Variants in NLGN1 observed in about 807,000 individuals in gnomAD.
The protein encoded by NLGN1 is neuroligin-1.
A neutral mutation model predicts 65.5 loss-of-function variants in NLGN1; 12 were observed. That is an observed-to-expected ratio of 0.18 (90% CI 0.12 to 0.30). The LOEUF (loss-of-function observed/expected upper bound fraction) is 0.30. Ranked by LOEUF, NLGN1 falls within the 10% of genes least tolerant of loss-of-function variation. NLGN1 has a pLI of 1.00. For synonymous variants in NLGN1, 350 were observed against 359.5 expected (o/e 0.97, Z 0.30); for missense variants, 750 against 1,007.1 (o/e 0.74, Z 3.46).
chr3:173,691,108 G>C (rs533207907), intron 3 of NLGN1, among the ~76,000 whole-genome samples: 1 of 152,094 alleles, frequency 6.6e-6, no homozygotes, highest in Non-Finnish European at 1.5e-5. Flanking sequence ...GGAATGATTG[G>C]TAGTCATTGT....
intron 4 of NLGN1, among the ~76,000 whole-genome samples, chr3:174,120,577 T>C (rs1397100656): frequency 6.6e-6 from 1 of 152,210 alleles, no homozygotes; most frequent in Non-Finnish European, 1.5e-5. Flanking sequence ...AATTCATTTA[T>C]TAATTTGACT....
At chr3:173,499,711 T>C (rs1730689024) in intron 2 of NLGN1, among the ~76,000 whole-genome samples, 2 of 151,956 alleles carry the variant, frequency 1.3e-5, no homozygotes, top group South Asian at 4.1e-4. Context: ...TCCATTTGTT[T>C]GTATCCTCTT....
At chr3:173,734,413 T>TTTTTTTTTTTAA (rs1491511719) in intron 3 of NLGN1, among the ~76,000 whole-genome samples, 1 of 78,266 alleles carries the variant, frequency 1.3e-5, no homozygotes, top group African/African-American at 5.0e-5. Flanking sequence ...TTTTTTTTTT[T>TTTTTTTTTTTAA]AGAAACAGGG....
At chr3:173,574,007 G>A (rs923846444) in intron 2 of NLGN1, among the ~76,000 whole-genome samples, 5 of 141,664 alleles carry the variant, frequency 3.5e-5, no homozygotes, top group Non-Finnish European at 7.5e-5. Context: ...AGCTTGCAGT[G>A]AGCCGAGATG....
intron 4 of NLGN1, among the ~76,000 whole-genome samples, chr3:173,911,473 A>G (rs76804915): frequency 6.6e-6 from 1 of 152,180 alleles, no homozygotes; most frequent in African/African-American, 2.4e-5. Context: ...CTCTCCTTCA[A>G]TATATGTAAA....
intron 4 of NLGN1, among the ~76,000 whole-genome samples, chr3:173,818,856 G>C (rs1042382437): frequency 2.7e-5 from 3 of 110,756 alleles, no homozygotes; most frequent in African/African-American, 1.0e-4. Context: ...ATGAGGGCTT[G>C]GATTTTGCTT....
chr3:173,627,825 A>T (rs774992553), intron 3 of NLGN1, among the ~76,000 whole-genome samples: 5 of 151,256 alleles, frequency 3.3e-5, no homozygotes, highest in Non-Finnish European at 7.4e-5. Flanking sequence ...TGTATATTTC[A>T]TTCAGCTGAG....
intron 4 of NLGN1, among the ~76,000 whole-genome samples, chr3:174,124,076 G>A (rs578135799): frequency 1.3e-5 from 2 of 152,164 alleles, no homozygotes; most frequent in South Asian, 4.1e-4. Flanking sequence ...AGAAGGGGAA[G>A]AAAGAGAGAT....
chr3:174,235,899 G>A (rs1401934191), intron 4 of NLGN1, among the ~76,000 whole-genome samples: 1 of 148,964 alleles, frequency 6.7e-6, no homozygotes, highest in African/African-American at 2.6e-5. Flanking sequence ...TTCCCCTCAC[G>A]CTTCTTTATT....
chr3:174,211,136 AAGC>A (rs1370306434), intron 4 of NLGN1, among the ~76,000 whole-genome samples: 2 of 152,190 alleles, frequency 1.3e-5, no homozygotes, highest in African/African-American at 2.4e-5. Flanking sequence ...CAGCTCATAA[AAGC>A]AGCGTGAACC....
intron 4 of NLGN1, among the ~76,000 whole-genome samples, chr3:174,197,538 G>GA (rs1491093577): frequency 2.3e-4 from 25 of 107,902 alleles, no homozygotes; most frequent in Non-Finnish European, 3.4e-4. Flanking sequence ...AAAAAAAAAA[G>GA]GAGAATCCAG....
chr3:173,595,722 C>G (rs1009402082), intron 2 of NLGN1, among the ~76,000 whole-genome samples: 8 of 152,222 alleles, frequency 5.3e-5, no homozygotes, highest in Non-Finnish European at 7.3e-5. Context: ...ACTGGACTTA[C>G]AGTTCCACAC....
At chr3:173,763,524 C>A (rs951838119) in intron 3 of NLGN1, among the ~76,000 whole-genome samples, 1 of 151,986 alleles carries the variant, frequency 6.6e-6, no homozygotes, top group African/African-American at 2.4e-5. Context: ...TATGATTTTA[C>A]TTTATTTCTC....
intron 4 of NLGN1, among the ~76,000 whole-genome samples, chr3:173,933,197 A>G (rs1042656888): frequency 1.3e-5 from 2 of 152,178 alleles, no homozygotes; most frequent in Non-Finnish European, 2.9e-5. Context: ...AAGGCAAACA[A>G]ACTATTCAGA....
intron 3 of NLGN1, among the ~76,000 whole-genome samples, chr3:173,675,544 G>A (rs1041068631): frequency 1.3e-5 from 2 of 152,024 alleles, no homozygotes; most frequent in African/African-American, 4.8e-5. Flanking sequence ...TTGCTAATAG[G>A]AAGAGATAGC....
intron 4 of NLGN1, among the ~76,000 whole-genome samples, chr3:174,233,112 A>G (rs1305422992): frequency 6.6e-6 from 1 of 152,222 alleles, no homozygotes; most frequent in East Asian, 1.9e-4. Flanking sequence ...GCAGCAAGAC[A>G]GGAAGATCTT....
chr3:173,873,629 A>G (rs1014634598), intron 4 of NLGN1, among the ~76,000 whole-genome samples: 94 of 152,324 alleles, frequency 6.2e-4, no homozygotes, highest in African/African-American at 2.0e-3. Flanking sequence ...AAGATGGTTT[A>G]TGCATTTTGC....
At chr3:173,974,841 G>T (rs1261495066) in intron 4 of NLGN1, among the ~76,000 whole-genome samples, 3 of 151,974 alleles carry the variant, frequency 2.0e-5, no homozygotes, top group Non-Finnish European at 1.5e-5. Context: ...TAGTCTTATT[G>T]TCTTATTTCC....
intron 3 of NLGN1, among the ~76,000 whole-genome samples, chr3:173,616,925 A>G (rs1753189337): frequency 6.6e-6 from 1 of 152,176 alleles, no homozygotes; most frequent in Non-Finnish European, 1.5e-5. Flanking sequence ...ACTATCGCCT[A>G]GAACACTCTG....
Sources: allele counts gnomAD v4.1 joint callset (sites outside exome capture counted in the v4.1 genomes callset), GRCh38; gene constraint gnomAD v4.1.1; transcripts MANE v1.5; gene names NCBI Gene and HGNC (gene_info 2026-07-23, HGNC 2026-07-21).